CSNK1G3: variants seen among roughly 807,000 people sequenced by gnomAD.
CSNK1G3 encodes casein kinase 1 gamma 3, also known as casein kinase I isoform gamma-3.
CSNK1G3 carries 23 observed loss-of-function variants against 64.3 expected under a neutral mutation model. The observed-to-expected ratio is 0.36, with a 90% CI of 0.26 to 0.51. The LOEUF (loss-of-function observed/expected upper bound fraction) is 0.51, where lower values mean the gene tolerates loss of function less well. CSNK1G3 is among the 20% of genes least tolerant of loss of function. The pLI is 0.96. For missense variants in CSNK1G3, 357 were observed against 510.5 expected (o/e 0.70, Z 2.90); for synonymous variants, 158 against 162.2 (o/e 0.97, Z 0.20).
At chr5:123,546,502 A>C (rs1407017556) in intron 2 of CSNK1G3, among the ~76,000 whole-genome samples, 1 of 152,094 alleles carries the variant, frequency 6.6e-6, no homozygotes, top group Non-Finnish European at 1.5e-5. Context: ...ATTGAATAAC[A>C]AGCTCAGGAT....
At chr5:123,521,981 T>C (rs1280914279) in intron 1 of CSNK1G3, among the ~76,000 whole-genome samples, 1 of 152,164 alleles carries the variant, frequency 6.6e-6, no homozygotes, top group Non-Finnish European at 1.5e-5. Context: ...ACGATTCCAG[T>C]GTCCTGCAGG....
At chr5:123,614,082 C>T (rs1284417176) in intron 12 of CSNK1G3, among the ~76,000 whole-genome samples, 1 of 152,134 alleles carries the variant, frequency 6.6e-6, no homozygotes, top group Non-Finnish European at 1.5e-5. Flanking sequence ...CTTAATTACT[C>T]TTAGTGAAAA....
At chr5:123,523,652 T>A (rs1178570197) in intron 1 of CSNK1G3, among the ~76,000 whole-genome samples, 2 of 152,188 alleles carry the variant, frequency 1.3e-5, no homozygotes, top group East Asian at 1.9e-4. Context: ...TTTAGAATTA[T>A]TCTGGATTCA....
exon 1 of CSNK1G3, chr5:123,512,564 C>T (rs1776368204): frequency 6.6e-6 from 1 of 151,456 alleles, no homozygotes; most frequent in South Asian, 2.1e-4. Context: ...GCGGCCGCGC[C>T]TTTGAGGTAA....
At chr5:123,607,998 T>C (rs943627174) in intron 12 of CSNK1G3, among the ~76,000 whole-genome samples, 10 of 152,152 alleles carry the variant, frequency 6.6e-5, no homozygotes, top group African/African-American at 2.4e-4. Context: ...TCTTGCTGTG[T>C]TGCCAAGGCT....
exon 2 of CSNK1G3, chr5:123,545,832 T>C (rs747767162): frequency 6.2e-7 from 1 of 1,612,806 alleles, no homozygotes; most frequent in Non-Finnish European, 8.5e-7. Flanking sequence ...TTTTGGAGAA[T>C]TACGATTAGG....
intron 4 of CSNK1G3, among the ~76,000 whole-genome samples, chr5:123,559,940 T>C (rs893248774): frequency 7.9e-5 from 12 of 152,136 alleles, no homozygotes; most frequent in African/African-American, 2.9e-4. Context: ...ATTTCATTTA[T>C]ATAGCAATTT....
At chr5:123,591,703 T>C (rs1187876472) in intron 10 of CSNK1G3, among the ~76,000 whole-genome samples, 1 of 152,130 alleles carries the variant, frequency 6.6e-6, no homozygotes, top group Non-Finnish European at 1.5e-5. Flanking sequence ...ACTTGGACTT[T>C]CTAACTGTAG....
At chr5:123,518,719 T>C (rs1777597749) in intron 1 of CSNK1G3, among the ~76,000 whole-genome samples, 1 of 152,194 alleles carries the variant, frequency 6.6e-6, no homozygotes, top group Non-Finnish European at 1.5e-5. Flanking sequence ...AGATACCTTC[T>C]GCAATTGGTG....
intron 1 of CSNK1G3, among the ~76,000 whole-genome samples, chr5:123,540,827 A>G (rs1581004510): frequency 6.6e-6 from 1 of 152,038 alleles, no homozygotes; most frequent in Non-Finnish European, 1.5e-5. Flanking sequence ...ATGTTTAACC[A>G]TGTTGGCCAG....
chr5:123,614,392 A>G (rs2151292683), exon 13 of CSNK1G3: 3 of 1,613,002 alleles, frequency 1.9e-6, no homozygotes, highest in East Asian at 4.5e-5. Context: ...CAGCGCCACA[A>G]ATGACTCTGG....
intron 1 of CSNK1G3, among the ~76,000 whole-genome samples, chr5:123,520,339 ATATT>A (rs1245569174): frequency 2.0e-5 from 3 of 152,144 alleles, no homozygotes; most frequent in Admixed American, 1.3e-4. Flanking sequence ...TTCTGGAAGA[ATATT>A]TATGTTAATG....
intron 10 of CSNK1G3, among the ~76,000 whole-genome samples, chr5:123,596,319 C>T (rs1448357857): frequency 1.3e-5 from 2 of 152,002 alleles, no homozygotes; most frequent in Non-Finnish European, 2.9e-5. Flanking sequence ...ATTTTTATGA[C>T]TTCAATTCAT....
At chr5:123,524,299 C>T (rs924723202) in intron 1 of CSNK1G3, among the ~76,000 whole-genome samples, 5 of 152,300 alleles carry the variant, frequency 3.3e-5, no homozygotes, top group East Asian at 3.9e-4. Context: ...ATGCTTGAGA[C>T]GGAAAATGTT....
chr5:123,583,993 C>T (rs1790841838), intron 6 of CSNK1G3, among the ~76,000 whole-genome samples: 1 of 152,200 alleles, frequency 6.6e-6, no homozygotes, highest in South Asian at 2.1e-4. Context: ...GAGCCTGGCC[C>T]CAGTTGATTT....
chr5:123,594,631 A>T lies in CSNK1G3; in HGVS notation c.1086+3217A>T, dbSNP rs970306017. The stretch of plus-strand genomic sequence containing the variant: ...TGTACCTTGCTAAAAATAGCTCCTC[A>T]TCAGAAAACCAGTGATGACATCTAC... On this transcript the variant is annotated intron_variant, in intron 10 of 12. Transcript: ENST00000345990. 2.0e-5 allele frequency among the ~76,000 whole-genome samples: 3 copies of T among 152,200 alleles called. No homozygotes were observed. In the East Asian group the frequency reaches 5.8e-4, roughly 29 times the overall value.
chr5:123,566,573 G>A (rs975756735), intron 4 of CSNK1G3, among the ~76,000 whole-genome samples: 3 of 151,772 alleles, frequency 2.0e-5, no homozygotes, highest in African/African-American at 4.8e-5. Context: ...TACCATTTAC[G>A]TTGCTCTGGT....
intron 5 of CSNK1G3, among the ~76,000 whole-genome samples, chr5:123,575,159 G>C (rs1485725146): frequency 2.6e-5 from 4 of 152,070 alleles, no homozygotes; most frequent in Non-Finnish European, 5.9e-5. Flanking sequence ...TTGGATTTCA[G>C]ACTTTTCTAG....
At chr5:123,594,014 G>A (rs1021650471) in intron 10 of CSNK1G3, among the ~76,000 whole-genome samples, 1 of 152,184 alleles carries the variant, frequency 6.6e-6, no homozygotes. Flanking sequence ...TATTGGAAGA[G>A]CATTATGCTC....
Sources: gnomAD v4.1 joint callset for allele counts (sites outside exome capture counted in the v4.1 genomes callset) on GRCh38, gnomAD v4.1.1 for gene constraint, MANE v1.5 for transcripts, NCBI Gene and HGNC (gene_info 2026-07-23, HGNC 2026-07-21) for gene names.